Variants in CTNNA3 observed in about 807,000 individuals in gnomAD.
CTNNA3 encodes the protein catenin alpha-3.
Under a neutral mutation model 95.7 loss-of-function variants are expected in CTNNA3, and 76 were observed. That is an observed-to-expected ratio of 0.79 (90% CI 0.66 to 0.96). CTNNA3 has a LOEUF of 0.96. Among genes scored for constraint, CTNNA3 ranks in the 40% least tolerant of loss-of-function variants. The pLI is 0.00. For synonymous variants in CTNNA3, 431 were observed against 374.4 expected (o/e 1.15, Z -1.74); for missense variants, 1,191 against 1,089.8 (o/e 1.09, Z -1.31).
At chr10:66,540,091 G>C (rs929095251) in intron 10 of CTNNA3, among the ~76,000 whole-genome samples, 1 of 151,896 alleles carries the variant, frequency 6.6e-6, no homozygotes, top group Admixed American at 6.6e-5. Flanking sequence ...ATAAGAAGAG[G>C]TATTACATCC....
intron 7 of CTNNA3, among the ~76,000 whole-genome samples, chr10:67,136,075 T>C (rs1483491666): frequency 6.6e-6 from 1 of 152,170 alleles, no homozygotes; most frequent in East Asian, 1.9e-4. Flanking sequence ...TCATATTCCT[T>C]TGAAGCTTTT....
chr10:66,046,027 G>A (rs2133515347), intron 15 of CTNNA3, among the ~76,000 whole-genome samples: 1 of 152,292 alleles, frequency 6.6e-6, no homozygotes, highest in Middle Eastern at 3.4e-3. Flanking sequence ...AATGAAAGGG[G>A]TGAGTAATAC....
rs528387775 is a variant in CTNNA3, at chr10:67,197,904, A to G, written c.844-17384T>C. Among the ~76,000 whole-genome samples, 6 of 152,246 alleles carry G rather than the reference A, an allele frequency of 3.9e-5. No homozygotes were observed. The East Asian group carries it at 1.2e-3, about 29-fold the overall frequency. On this transcript the variant is annotated intron_variant, in intron 6 of 17. Coordinates refer to ENST00000433211, the MANE Select transcript of CTNNA3 (RefSeq NM_013266.4). Reference sequence around the variant, plus strand: ...CCACAAAATCATCATTTTGGAGTCTACATAAAGCTACATTGTCTTGGTAAG... The same window carrying G: ...CCACAAAATCATCATTTTGGAGTCTGCATAAAGCTACATTGTCTTGGTAAG...
intron 12 of CTNNA3, among the ~76,000 whole-genome samples, chr10:66,347,114 T>C (rs1339261788): frequency 6.6e-6 from 1 of 151,900 alleles, no homozygotes; most frequent in Non-Finnish European, 1.5e-5. Context: ...AATCATAAAA[T>C]CAGAAAACAA....
At chr10:67,258,031 C>T (rs961965832) in intron 5 of CTNNA3, among the ~76,000 whole-genome samples, 2 of 152,184 alleles carry the variant, frequency 1.3e-5, no homozygotes, top group Non-Finnish European at 2.9e-5. Flanking sequence ...ATCTGCCAGT[C>T]ACCTGGGTTT....
At chr10:67,319,203 G>A (rs1180961637) in intron 5 of CTNNA3, among the ~76,000 whole-genome samples, 1 of 152,176 alleles carries the variant, frequency 6.6e-6, no homozygotes, top group Non-Finnish European at 1.5e-5. Flanking sequence ...GGAAAATTAA[G>A]TGTATCCTGT....
At chr10:66,266,804 G>A (rs1220143901) in intron 13 of CTNNA3, among the ~76,000 whole-genome samples, 1 of 151,958 alleles carries the variant, frequency 6.6e-6, no homozygotes, top group Non-Finnish European at 1.5e-5. Flanking sequence ...ATTATTGTTA[G>A]TATCATTATT....
At chr10:66,466,087 G>T (rs1349616455) in intron 11 of CTNNA3, among the ~76,000 whole-genome samples, 4 of 151,930 alleles carry the variant, frequency 2.6e-5, no homozygotes, top group Non-Finnish European at 5.9e-5. Context: ...TCCATGATGT[G>T]AATGAGCCTC....
At chr10:66,330,505 A>C (rs1197767546) in intron 12 of CTNNA3, among the ~76,000 whole-genome samples, 3 of 152,162 alleles carry the variant, frequency 2.0e-5, no homozygotes, top group Non-Finnish European at 2.9e-5. Context: ...AGTCTTTGCT[A>C]TTGGGAATAG....
intron 13 of CTNNA3, among the ~76,000 whole-genome samples, chr10:66,278,624 G>A (rs920798917): frequency 1.3e-5 from 2 of 151,988 alleles, no homozygotes; most frequent in African/African-American, 4.8e-5. Context: ...TGATAATGAG[G>A]AAATGTAAAA....
chr10:66,217,580 G>C (rs2131968977), intron 13 of CTNNA3, among the ~76,000 whole-genome samples: 1 of 152,154 alleles, frequency 6.6e-6, no homozygotes, highest in African/African-American at 2.4e-5. Flanking sequence ...AAATACACTT[G>C]CTATGAACAA....
At chr10:67,117,609 T>A (rs561871546) in intron 7 of CTNNA3, among the ~76,000 whole-genome samples, 3 of 152,098 alleles carry the variant, frequency 2.0e-5, no homozygotes, top group African/African-American at 4.8e-5. Flanking sequence ...TAAATATTGT[T>A]TGAAATTTTT....
chr10:66,861,897 T>G (rs1843942235), intron 7 of CTNNA3, among the ~76,000 whole-genome samples: 1 of 152,200 alleles, frequency 6.6e-6, no homozygotes, highest in South Asian at 2.1e-4. Context: ...ATATTAGAAG[T>G]GGTGTGGGTT....
rs537716678 is a variant in CTNNA3 at position 67,292,241 on chromosome 10, G to A, written c.580-72371C>T. Reference sequence around the variant, plus strand: ...TTTGAGTAATATTTTTAGGTGTTATGGGGGGCTTTAGGGAAAAGAAGTTCT... The same window carrying A: ...TTTGAGTAATATTTTTAGGTGTTATAGGGGGCTTTAGGGAAAAGAAGTTCT... On this transcript the variant is annotated intron_variant, in intron 5 of 17. Coordinates refer to ENST00000433211, the MANE Select transcript of CTNNA3 (RefSeq NM_013266.4). 7.9e-5 allele frequency among the ~76,000 whole-genome samples: 12 copies of A among 152,244 alleles called. No individual in the cohort carries two copies. In the South Asian group the frequency reaches 2.5e-3, roughly 32 times the overall value.
chr10:66,264,267 A>C (rs951086950), intron 13 of CTNNA3, among the ~76,000 whole-genome samples: 2 of 151,822 alleles, frequency 1.3e-5, no homozygotes, highest in African/African-American at 4.8e-5. Context: ...CACACACACA[A>C]TGCCCCAAAA....
At chr10:67,725,936 A>ATTATATAC (rs1725698322) in intron 1 of CTNNA3, among the ~76,000 whole-genome samples, 3 of 139,110 alleles carry the variant, frequency 2.2e-5, no homozygotes, top group African/African-American at 8.1e-5. Context: ...TAATTATATA[A>ATTATATAC]TTATTTTTAG....
chr10:67,069,391 T>C lies in CTNNA3; in HGVS notation c.1047+110926A>G, dbSNP rs561215816. Reference sequence around the variant, plus strand: ...TTGAATATTTCCAAGAATAGGAAGCTTATTAACTCAAAAAACGCTCATTGT... The same window carrying C: ...TTGAATATTTCCAAGAATAGGAAGCCTATTAACTCAAAAAACGCTCATTGT... On this transcript the variant is annotated intron_variant, in intron 7 of 17. Coordinates refer to ENST00000433211, the MANE Select transcript of CTNNA3 (RefSeq NM_013266.4). Among the ~76,000 whole-genome samples the C allele has an allele frequency of 9.2e-5, 14 of 152,250 alleles. No homozygotes were observed. The South Asian group carries it at 2.7e-3, about 29-fold the overall frequency.
At chr10:67,445,725 G>T (rs561894245) in intron 5 of CTNNA3, among the ~76,000 whole-genome samples, 2 of 152,182 alleles carry the variant, frequency 1.3e-5, no homozygotes, top group East Asian at 1.9e-4. Context: ...AGTTTAAGCA[G>T]GTATTCTTTG....
In CTNNA3 at chr10:65,936,455, C is replaced by T. The variant is rs140514335; in HGVS notation, c.2401-15838G>A. ...AAGCTGTCTTGAAGTCCCTATTACT[C>T]TCATTTGGGCCAATAAAATTATACA... On this transcript the variant is annotated intron_variant, in intron 17 of 17. Transcript: ENST00000433211. Among the ~76,000 whole-genome samples the T allele has an allele frequency of 1.0e-3, 158 of 152,160 alleles. 1 individual carries two copies. The East Asian group carries it at 0.026, about 25-fold the overall frequency.
Sources: allele counts gnomAD v4.1 joint callset (sites outside exome capture counted in the v4.1 genomes callset), GRCh38; gene constraint gnomAD v4.1.1; transcripts MANE v1.5; gene names NCBI Gene and HGNC (gene_info 2026-07-23, HGNC 2026-07-21).